Variants in MLLT3 observed in about 807,000 individuals in gnomAD.
MLLT3 encodes MLLT3 super elongation complex subunit.
In MLLT3, 4 loss-of-function variants were observed where a neutral mutation model predicts 53.2. The ratio of observed to expected loss-of-function variants is 0.08; its 90% CI spans 0.04 to 0.17. MLLT3 has a LOEUF of 0.17. MLLT3 is among the 10% of genes least tolerant of loss of function. The probability of loss-of-function intolerance (pLI) is 1.00; values close to 1 mark genes in which losing one functional copy is unlikely to be tolerated. For missense variants in MLLT3, 569 were observed against 684.0 expected, an observed-to-expected ratio of 0.83 and a Z score of 1.87; for synonymous variants, 283 against 230.6, an observed-to-expected ratio of 1.23 and a Z score of -2.06.
At chr9:20,557,633 A>G (rs998055231) in intron 2 of MLLT3, among the ~76,000 whole-genome samples, 2 of 152,200 alleles carry the variant, frequency 1.3e-5, no homozygotes, top group African/African-American at 4.8e-5. Context: ...GAAACAAACA[A>G]GAATATCTAT....
rs192081600 is a variant in MLLT3, at chr9:20,477,825, C to T, written c.194-21039G>A. Among the ~76,000 whole-genome samples, 73 of 152,296 alleles carry T rather than the reference C, an allele frequency of 4.8e-4. No individual in the cohort carries two copies. In the East Asian group the frequency reaches 7.5e-3, roughly 16 times the overall value. ...TTCTACCCTAAAATGAGATGACCAA[C>T]ACTGCTATAAAAGCAACAAAGAAAG... On this transcript the variant is annotated intron_variant, in intron 2 of 10. Coordinates refer to ENST00000380338, the MANE Select transcript of MLLT3 (RefSeq NM_004529.4).
chr9:20,470,937 A>G (rs1824374322), intron 2 of MLLT3, among the ~76,000 whole-genome samples: 1 of 152,052 alleles, frequency 6.6e-6, no homozygotes, highest in South Asian at 2.1e-4. Flanking sequence ...ATTTAAAGAC[A>G]GCCAATTTCA....
chr9:20,427,756 T>C (rs1823172585), intron 4 of MLLT3, among the ~76,000 whole-genome samples: 1 of 152,046 alleles, frequency 6.6e-6, no homozygotes, highest in Non-Finnish European at 1.5e-5. Context: ...TAATAGAGGC[T>C]TGACTGGGAG....
At chr9:20,473,405 C>A (rs1489893193) in intron 2 of MLLT3, among the ~76,000 whole-genome samples, 1 of 151,776 alleles carries the variant, frequency 6.6e-6, no homozygotes, top group African/African-American at 2.4e-5. Flanking sequence ...TGAGTTTCAC[C>A]AAATGTAATT....
chr9:20,425,095 T>C (rs1332659517), intron 4 of MLLT3, among the ~76,000 whole-genome samples: 2 of 152,138 alleles, frequency 1.3e-5, no homozygotes, highest in African/African-American at 4.8e-5. Flanking sequence ...AACTTTAGGA[T>C]AACCTGAACT....
Position 20,467,449 on chromosome 9 carries a change from G to A in MLLT3, c.194-10663C>T, listed in dbSNP as rs536509865. Among the ~76,000 whole-genome samples the A allele has an allele frequency of 7.2e-5, 11 of 152,204 alleles. 1 individual carries two copies. Among genetic ancestry groups the A allele is most frequent in the South Asian group, 6.2e-4 (3 of 4,814 alleles). Reference sequence around the variant, plus strand: ...AAAAATTAGCTGGGTGTGGTGGCACGCGCCTGTAGTCCCAGCTACTCAGGA... The same window carrying A: ...AAAAATTAGCTGGGTGTGGTGGCACACGCCTGTAGTCCCAGCTACTCAGGA... On this transcript the variant is annotated intron_variant, in intron 2 of 10. Coordinates refer to ENST00000380338, the MANE Select transcript of MLLT3 (RefSeq NM_004529.4).
intron 8 of MLLT3, among the ~76,000 whole-genome samples, chr9:20,355,279 T>C (rs1366949542): frequency 6.6e-6 from 1 of 152,178 alleles, no homozygotes; most frequent in African/African-American, 2.4e-5. Flanking sequence ...GCATGACTAC[T>C]AGTGTTCAGT....
Position 20,414,061 on chromosome 9 carries a change from T to A in MLLT3, c.785A>T (p.Glu262Val), listed in dbSNP as rs751012619. ...GAGTAAGTTACTATCTGGTTTTGGC[T>A]CTTTTGACATGGGTTTAGGTTCCTT... ...AFKEPKPMSK[E>V]PKPDSNLLTI... Residue 262 changes from glutamate to valine, a missense_variant, in exon 5 of 11, where the codon GAG (glutamate) becomes GTG (valine). Glu to Val is a moderately radical substitution (Grantham distance 121). This residue lies in a region of MLLT3 where 437 missense variants were observed against 376.5 expected (regional missense o/e 1.16). Transcript: ENST00000380338. The A allele has an allele frequency of 9.9e-6, 16 of 1,614,176 alleles. No individual in the cohort carries two copies. The highest frequency in any genetic ancestry group is 1.3e-5 in the Non-Finnish European group (15 of 1,180,020).
chr9:20,455,616 AT>A (rs970818046), intron 3 of MLLT3, among the ~76,000 whole-genome samples: 5 of 152,210 alleles, frequency 3.3e-5, no homozygotes, highest in African/African-American at 1.2e-4. Flanking sequence ...ATGACATTCT[AT>A]TTGCGTAGTT....
chr9:20,598,130 A>G (rs1256494064), intron 2 of MLLT3, among the ~76,000 whole-genome samples: 1 of 152,230 alleles, frequency 6.6e-6, no homozygotes, highest in Non-Finnish European at 1.5e-5. Context: ...ACATTGTTCA[A>G]GTTGGGTCAT....
At chr9:20,568,311 C>A (rs1419883789) in intron 2 of MLLT3, among the ~76,000 whole-genome samples, 2 of 152,112 alleles carry the variant, frequency 1.3e-5, no homozygotes, top group African/African-American at 2.4e-5. Context: ...TTATACTATT[C>A]TCTCTACTTT....
intron 4 of MLLT3, among the ~76,000 whole-genome samples, chr9:20,425,274 A>G (rs1823114240): frequency 6.6e-6 from 1 of 152,174 alleles, no homozygotes; most frequent in Non-Finnish European, 1.5e-5. Flanking sequence ...TCATGTAAAA[A>G]TAGCAGCATA....
intron 2 of MLLT3, among the ~76,000 whole-genome samples, chr9:20,587,519 T>C (rs143197943): frequency 2.9e-5 from 4 of 136,006 alleles, no homozygotes; most frequent in African/African-American, 1.1e-4. Context: ...AATGCCTAAA[T>C]TCTAAGATAA....
chr9:20,378,395 G>C (rs1284192543), intron 5 of MLLT3, among the ~76,000 whole-genome samples: 3 of 151,972 alleles, frequency 2.0e-5, no homozygotes, highest in Non-Finnish European at 4.4e-5. Context: ...CTCACACAGA[G>C]AGCATCCAGA....
At chr9:20,425,055 G>GT (rs1223270404) in intron 4 of MLLT3, among the ~76,000 whole-genome samples, 3 of 152,104 alleles carry the variant, frequency 2.0e-5, no homozygotes, top group Non-Finnish European at 2.9e-5. Context: ...CCCTTACAAC[G>GT]TAAGTGTCTG....
At chr9:20,410,755 A>G (rs1167508630) in intron 5 of MLLT3, 1 of 152,194 alleles carries the variant, frequency 6.6e-6, no homozygotes, top group Admixed American at 6.5e-5. Context: ...AAACCTGAGT[A>G]GAATTTGATT....
intron 2 of MLLT3, among the ~76,000 whole-genome samples, chr9:20,526,788 G>A (rs1372913214): frequency 6.6e-6 from 1 of 152,098 alleles, no homozygotes; most frequent in Non-Finnish European, 1.5e-5. Context: ...GAGAATTTCT[G>A]TTGTTCTACA....
rs141116491 is a variant in MLLT3, at chr9:20,471,327, T to C, written c.194-14541A>G. Among the ~76,000 whole-genome samples, 553 of 152,082 alleles carry C rather than the reference T, an allele frequency of 3.6e-3. 4 individuals carry two copies. Among genetic ancestry groups the C allele is most frequent in the African/African-American group, 0.013 (537 of 41,540 alleles). ...AACAGTAATGCGATGTTGAGTGAAA[T>C]TAAGAGGAATTCGGAGAAATGCAAG... is the stretch of plus-strand genomic sequence containing the variant. On this transcript the variant is annotated intron_variant, in intron 2 of 10. Transcript: ENST00000380338.
At chr9:20,441,650 C>A (rs1050752552) in intron 4 of MLLT3, among the ~76,000 whole-genome samples, 2 of 152,084 alleles carry the variant, frequency 1.3e-5, no homozygotes, top group African/African-American at 4.8e-5. Flanking sequence ...AGTAAAAAAG[C>A]AGCAGCATTC....
Sources: allele counts gnomAD v4.1 joint callset (sites outside exome capture counted in the v4.1 genomes callset), GRCh38; gene constraint gnomAD v4.1.1; regional missense constraint gnomAD v4.1.1; transcripts MANE v1.5; gene names NCBI Gene and HGNC (gene_info 2026-07-23, HGNC 2026-07-21).